The following GALNTL6 variants were observed in gnomAD, a reference collection of about 807,000 sequenced individuals.
GALNTL6 encodes the protein polypeptide N-acetylgalactosaminyltransferase like 6, also known as polypeptide N-acetylgalactosaminyltransferase-like 6.
GALNTL6 carries 46 observed loss-of-function variants against 73.7 expected under a neutral mutation model. The ratio of observed to expected loss-of-function variants is 0.62; its 90% CI spans 0.49 to 0.80. GALNTL6 has a LOEUF of 0.80. GALNTL6 is among the 30% of genes least tolerant of loss of function. The pLI is 0.00. For missense variants in GALNTL6, 604 were observed against 755.0 expected (o/e 0.80, Z 2.34); for synonymous variants, 259 against 263.7 (o/e 0.98, Z 0.17).
At chr4:172,196,262 G>A (rs570999419) in intron 2 of GALNTL6, among the ~76,000 whole-genome samples, 5 of 152,134 alleles carry the variant, frequency 3.3e-5, no homozygotes, top group South Asian at 2.1e-4. Flanking sequence ...AGGTGAATCC[G>A]TGAATAGACC....
intron 5 of GALNTL6, among the ~76,000 whole-genome samples, chr4:172,562,555 A>G (rs1020160989): frequency 1.3e-5 from 2 of 152,214 alleles, no homozygotes; most frequent in African/African-American, 4.8e-5. Context: ...TCAAAAAATC[A>G]GAACACATCT....
chr4:172,265,426 A>C (rs1451571348), intron 3 of GALNTL6, among the ~76,000 whole-genome samples: 1 of 152,142 alleles, frequency 6.6e-6, no homozygotes, highest in Non-Finnish European at 1.5e-5. Context: ...ATGAAAGACT[A>C]GACAAAGCAT....
intron 2 of GALNTL6, among the ~76,000 whole-genome samples, chr4:172,116,244 C>T (rs1241917217): frequency 6.6e-6 from 1 of 151,960 alleles, no homozygotes; most frequent in Non-Finnish European, 1.5e-5. Flanking sequence ...GAAATCTCAT[C>T]AATATTTATC....
At chr4:172,079,966 T>C (rs1731828480) in intron 2 of GALNTL6, among the ~76,000 whole-genome samples, 1 of 152,170 alleles carries the variant, frequency 6.6e-6, no homozygotes, top group Admixed American at 6.5e-5. Flanking sequence ...CCTAGTGTCA[T>C]ACTTAGAAAC....
intron 2 of GALNTL6, among the ~76,000 whole-genome samples, chr4:172,100,043 C>G (rs1732469363): frequency 1.3e-5 from 2 of 152,082 alleles, no homozygotes; most frequent in Admixed American, 1.3e-4. Context: ...TTAGCATACT[C>G]AACTTCAGAA....
intron 2 of GALNTL6, among the ~76,000 whole-genome samples, chr4:171,960,055 G>A (rs1739175975): frequency 6.6e-6 from 1 of 152,184 alleles, no homozygotes; most frequent in African/African-American, 2.4e-5. Context: ...ACTAAAAAGT[G>A]AGGACAGATT....
At chr4:172,302,384 A>C (rs893314704) in intron 3 of GALNTL6, among the ~76,000 whole-genome samples, 1 of 151,834 alleles carries the variant, frequency 6.6e-6, no homozygotes, top group Non-Finnish European at 1.5e-5. Flanking sequence ...TTCTTCCCCC[A>C]CTGTCCGACA....
At chr4:172,767,640 T>G (rs1372987498) in intron 5 of GALNTL6, among the ~76,000 whole-genome samples, 4 of 151,324 alleles carry the variant, frequency 2.6e-5, no homozygotes, top group African/African-American at 9.7e-5. Context: ...GGTTGTTTTT[T>G]GAGATACTCA....
intron 5 of GALNTL6, among the ~76,000 whole-genome samples, chr4:172,476,983 G>T (rs1459765742): frequency 6.8e-6 from 1 of 146,932 alleles, no homozygotes; most frequent in East Asian, 2.0e-4. Context: ...AGAGTGCAGT[G>T]GCACGATCTC....
At chr4:172,431,942 C>G (rs970507832) in intron 5 of GALNTL6, among the ~76,000 whole-genome samples, 1 of 152,080 alleles carries the variant, frequency 6.6e-6, no homozygotes, top group Admixed American at 6.6e-5. Flanking sequence ...ATAATTCTCT[C>G]CTGGCATGTG....
At chr4:172,055,958 A>T (rs899764118) in intron 2 of GALNTL6, among the ~76,000 whole-genome samples, 3 of 152,194 alleles carry the variant, frequency 2.0e-5, no homozygotes, top group Non-Finnish European at 4.4e-5. Flanking sequence ...ATGATGATGA[A>T]ATATATAGCA....
chr4:172,058,888 C>G (rs1731110266), intron 2 of GALNTL6, among the ~76,000 whole-genome samples: 1 of 152,114 alleles, frequency 6.6e-6, no homozygotes, highest in Admixed American at 6.6e-5. Context: ...GCATTTGTTT[C>G]TGATCATTTC....
At chr4:172,316,901 G>T (rs1200775532) in intron 4 of GALNTL6, among the ~76,000 whole-genome samples, 3 of 152,056 alleles carry the variant, frequency 2.0e-5, no homozygotes, top group African/African-American at 7.2e-5. Context: ...ACTGATCTCC[G>T]CAGGCAAGCA....
intron 5 of GALNTL6, among the ~76,000 whole-genome samples, chr4:172,702,960 T>C (rs184502544): frequency 5.9e-5 from 9 of 152,060 alleles, no homozygotes; most frequent in Admixed American, 5.9e-4. Context: ...TCTAGTTATT[T>C]TTATGTATAG....
chr4:172,461,633 T>C (rs938194767), intron 5 of GALNTL6, among the ~76,000 whole-genome samples: 11 of 152,322 alleles, frequency 7.2e-5, no homozygotes, highest in African/African-American at 2.2e-4. Flanking sequence ...TAAGAGGAGC[T>C]AGAATTTTCC....
intron 3 of GALNTL6, among the ~76,000 whole-genome samples, chr4:172,280,867 C>T (rs1397660226): frequency 6.6e-6 from 1 of 151,962 alleles, no homozygotes; most frequent in Non-Finnish European, 1.5e-5. Flanking sequence ...TGCCTTAAAG[C>T]AATGCAAATT....
intron 5 of GALNTL6, among the ~76,000 whole-genome samples, chr4:172,478,534 T>C (rs1733323988): frequency 6.6e-6 from 1 of 152,186 alleles, no homozygotes; most frequent in African/African-American, 2.4e-5. Flanking sequence ...GACTTACATG[T>C]AAGGCTGGAA....
chr4:172,162,371 T>C (rs1479767918), intron 2 of GALNTL6, among the ~76,000 whole-genome samples: 2 of 151,916 alleles, frequency 1.3e-5, no homozygotes, highest in Non-Finnish European at 2.9e-5. Context: ...TGGACCTTCA[T>C]AGGATGCCAG....
intron 5 of GALNTL6, among the ~76,000 whole-genome samples, chr4:172,397,617 C>T (rs970637702): frequency 1.3e-5 from 2 of 151,264 alleles, no homozygotes; most frequent in East Asian, 1.9e-4. Flanking sequence ...CTCGCTCTGT[C>T]GCCAGGCTGG....
Sources: allele counts gnomAD v4.1 joint callset (sites outside exome capture counted in the v4.1 genomes callset), GRCh38; gene constraint gnomAD v4.1.1; transcripts MANE v1.5; gene names NCBI Gene and HGNC (gene_info 2026-07-23, HGNC 2026-07-21).